Variants in MTR observed in about 807,000 individuals in gnomAD.
MTR encodes 5-methyltetrahydrofolate-homocysteine methyltransferase, also known as methionine synthase.
A neutral mutation model predicts 154.8 loss-of-function variants in MTR; 84 were observed. That is an observed-to-expected ratio of 0.54 (90% CI 0.45 to 0.65). The LOEUF (loss-of-function observed/expected upper bound fraction) is 0.65, where lower values mean the gene tolerates loss of function less well. MTR is among the 30% of genes least tolerant of loss of function. The pLI is 0.00. For missense variants in MTR, 1,275 were observed against 1,570.2 expected (o/e 0.81, Z 3.18); for synonymous variants, 554 against 553.9 (o/e 1.00, Z 0.00).
intron 22 of MTR, among the ~76,000 whole-genome samples, 175 bp from the exon 23 acceptor site, chr1:236,873,598 G>A (rs189660436): frequency 2.4e-4 from 36 of 152,358 alleles, no homozygotes; most frequent in African/African-American, 8.4e-4. Context: ...CGTATATGTA[G>A]TAAGTACTGA....
chr1:236,894,616 G>C (rs1222026398), intron 30 of MTR, 59 bp downstream of exon 30: 4 of 1,591,842 alleles, frequency 2.5e-6, no homozygotes, highest in Non-Finnish European at 3.4e-6. Context: ...TAGGGAGCCT[G>C]GGGTGGGTGC....
chr1:236,873,926 G>T (rs1665283790), intron 23 of MTR, 86 bp downstream of exon 23: 2 of 1,310,456 alleles, frequency 1.5e-6, no homozygotes, highest in African/African-American at 1.5e-5. Context: ...TCAGTGAATA[G>T]TGATGCCCCA....
At chr1:236,822,907 C>T (rs1254121613) in intron 8 of MTR, among the ~76,000 whole-genome samples, 1 of 152,118 alleles carries the variant, frequency 6.6e-6, no homozygotes, top group Non-Finnish European at 1.5e-5. Flanking sequence ...TGCCTTGTTC[C>T]TCATCTTAGC....
chr1:236,861,082 TC>T (rs1423836290), intron 19 of MTR, 42 bp from the exon 20 acceptor site: 2 of 1,496,830 alleles, frequency 1.3e-6, no homozygotes, highest in African/African-American at 2.9e-5. Flanking sequence ...ATTTTTTTTT[TC>T]TTTCTTTCTT....
At chr1:236,859,594 G>C (rs761874002) in intron 18 of MTR, among the ~76,000 whole-genome samples, 15 of 152,118 alleles carry the variant, frequency 9.9e-5, no homozygotes, top group Non-Finnish European at 1.6e-4. Context: ...GGAAAGGAAA[G>C]AATGGAATTT....
At chr1:236,857,111 C>T (rs1453821769) in intron 18 of MTR, among the ~76,000 whole-genome samples, 3 of 152,154 alleles carry the variant, frequency 2.0e-5, no homozygotes, top group Admixed American at 1.3e-4. Context: ...GCTGCACTGC[C>T]TTCCACAATG....
intron 15 of MTR, among the ~76,000 whole-genome samples, chr1:236,838,855 C>T (rs1663061596): frequency 6.6e-6 from 1 of 152,114 alleles, no homozygotes; most frequent in Admixed American, 6.5e-5. Context: ...TGTATTTACA[C>T]CAACCTAGAT....
chr1:236,795,824 C>T (rs1660346211), intron 1 of MTR, 87 bp downstream of exon 1: 1 of 1,593,706 alleles, frequency 6.3e-7, no homozygotes, highest in Non-Finnish European at 8.6e-7. Context: ...TTCCCTTCTG[C>T]GGCGGGAGAC....
intron 7 of MTR, among the ~76,000 whole-genome samples, chr1:236,815,940 A>G (rs1029943487): frequency 6.6e-6 from 1 of 152,192 alleles, no homozygotes; most frequent in Non-Finnish European, 1.5e-5. Context: ...TTCAAGGCTC[A>G]GTCTCATTAG....
At chr1:236,819,990 C>T (rs1572209232) in intron 8 of MTR, 1 of 1,137,570 alleles carries the variant, frequency 8.8e-7, no homozygotes, top group East Asian at 2.3e-5. Flanking sequence ...CTTCCGGGAG[C>T]CATGGCTTCT....
chr1:236,897,743 C>G lies in MTR; in HGVS notation c.*99C>G, dbSNP rs1666746743. On this transcript the variant is annotated 3_prime_UTR_variant, in exon 33 of 33. Coordinates refer to ENST00000366577, the MANE Select transcript of MTR (RefSeq NM_000254.3). ...ACAACAACAAAAAACCTGTGTGCAT[C>G]TGGCTGACACTTACCTGCTTCTGGT... The G allele has an allele frequency of 4.9e-6, 5 of 1,019,810 alleles. No individual in the cohort carries two copies. Among genetic ancestry groups the G allele is most frequent in the Non-Finnish European group, 6.1e-6 (4 of 658,036 alleles). The allele number at this position is 1,019,810 out of a possible 1,614,324, so 63.2% of individuals were successfully genotyped here. A position where few individuals can be genotyped will look rare whatever the true frequency, so the allele number is the denominator to read the frequency against.
intron 20 of MTR, 34 bp downstream of exon 20, chr1:236,861,311 G>C (rs1000551932): frequency 2.0e-5 from 32 of 1,613,288 alleles, no homozygotes; most frequent in Non-Finnish European, 2.7e-5. Flanking sequence ...TTTCACAGTT[G>C]CATCTTTTCT....
intron 15 of MTR, 23 bp from the exon 16 acceptor site, chr1:236,850,321 A>G: frequency 6.3e-7 from 1 of 1,586,748 alleles, no homozygotes; most frequent in Non-Finnish European, 8.6e-7. Context: ...ATTTCAAACT[A>G]CATCTTTTGC....
chr1:236,871,605 A>G (rs558505047), intron 22 of MTR, among the ~76,000 whole-genome samples: 7 of 152,274 alleles, frequency 4.6e-5, no homozygotes, highest in South Asian at 2.1e-4. Flanking sequence ...GTGACAGTCT[A>G]TGCTTAGTCA....
chr1:236,895,042 C>T (rs754180946), intron 30 of MTR: 2 of 416,522 alleles, frequency 4.8e-6, no homozygotes, highest in Non-Finnish European at 8.9e-6. Context: ...GCTGTATGGT[C>T]CCAGCTGCTC....
At chr1:236,816,716 G>A (rs1295726692) in intron 8 of MTR, among the ~76,000 whole-genome samples, 173 bp downstream of exon 8, 1 of 152,108 alleles carries the variant, frequency 6.6e-6, no homozygotes, top group East Asian at 1.9e-4. Flanking sequence ...TCAGAAGATC[G>A]CTGCCTAAAC....
Position 236,824,153 on chromosome 1 carries a change from A to G in MTR, c.799A>G (p.Met267Val). The change falls in exon 9 of 33, where the codon ATG becomes GTG. Residue 267 changes from methionine to valine, a missense_variant. Met to Val is a conservative substitution (Grantham distance 21). Coordinates refer to ENST00000366577, the MANE Select transcript of MTR (RefSeq NM_000254.3). ...GLNCALGAAE[M>V]RPFIEIIGKC... ...AAATTGTGCTTTGGGTGCAGCTGAA[A>G]TGAGACCTTTTATTGAAATAATTGG... 6.2e-7 allele frequency: 1 copy of G among 1,614,060 alleles called. No homozygotes were observed.
At chr1:236,828,694 G>A (rs1474992569) in intron 11 of MTR, among the ~76,000 whole-genome samples, 12 of 152,074 alleles carry the variant, frequency 7.9e-5, no homozygotes, top group Admixed American at 7.9e-4. Context: ...CTGTGTGTGT[G>A]CTGTAGTAAA....
chr1:236,816,536 C>A lies in MTR; in HGVS notation c.757C>A (p.Pro253Thr). The A allele has an allele frequency of 6.2e-7, 1 of 1,613,654 alleles. No homozygotes were observed. The highest frequency in any genetic ancestry group is 8.5e-7 in the Non-Finnish European group (1 of 1,179,572). The part of the protein sequence containing the change: ...GFVISVSHGE[P>T]LCIGLNCALG... ...TGTCATCAGCGTGTCTCATGGAGAA[C>A]CACTCTGGTGAGTGATCCATCTTTC... The change falls in exon 8 of 33, where the codon CCA becomes ACA. Residue 253 changes from proline to threonine, a missense_variant. Pro to Thr is a conservative substitution (Grantham distance 38). Transcript: ENST00000366577.
Sources: gnomAD v4.1 joint callset for allele counts (sites outside exome capture counted in the v4.1 genomes callset) on GRCh38, gnomAD v4.1.1 for gene constraint, MANE v1.5 for transcripts, NCBI Gene and HGNC (gene_info 2026-07-23, HGNC 2026-07-21) for gene names.